Variants in GRIP1 observed in about 807,000 individuals in gnomAD.
GRIP1 encodes glutamate receptor interacting protein 1, also known as glutamate receptor-interacting protein 1.
Under a neutral mutation model 129.9 loss-of-function variants are expected in GRIP1, and 45 were observed. That is an observed-to-expected ratio of 0.35 (90% CI 0.27 to 0.44). The LOEUF is 0.44. Ranked by LOEUF, GRIP1 falls within the 20% of genes least tolerant of loss-of-function variation. The probability of loss-of-function intolerance (pLI) is 1.00; values close to 1 mark genes in which losing one functional copy is unlikely to be tolerated. For missense variants in GRIP1, 1,196 were observed against 1,396.8 expected (o/e 0.86, Z 2.29); for synonymous variants, 530 against 520.8 (o/e 1.02, Z -0.24).
chr12:66,409,078 A>G (rs73315139), intron 15 of GRIP1, among the ~76,000 whole-genome samples: 6,720 of 152,052 alleles, frequency 0.044, 353 homozygotes, highest in East Asian at 0.15. Flanking sequence ...TAGACCTGCA[A>G]GGGGCCAGGG....
intron 1 of GRIP1, among the ~76,000 whole-genome samples, chr12:66,998,756 A>C (rs1460646062): frequency 6.6e-6 from 1 of 151,814 alleles, no homozygotes; most frequent in Admixed American, 6.6e-5. Flanking sequence ...ACAAACACCA[A>C]CCTTTTTAGC....
intron 1 of GRIP1, among the ~76,000 whole-genome samples, chr12:66,892,385 T>C (rs1387736096): frequency 2.6e-5 from 4 of 152,156 alleles, no homozygotes; most frequent in Admixed American, 2.6e-4. Flanking sequence ...TTTTAAAAAA[T>C]GTTTTATTTA....
At chr12:66,738,985 CCTTGA>C (rs2036701777) in intron 1 of GRIP1, among the ~76,000 whole-genome samples, 1 of 152,136 alleles carries the variant, frequency 6.6e-6, no homozygotes, top group Non-Finnish European at 1.5e-5. Context: ...GAACTTTGAT[CCTTGA>C]CTTGGAGAGC....
intron 1 of GRIP1, among the ~76,000 whole-genome samples, chr12:66,623,379 G>A (rs79498068): frequency 0.036 from 5,443 of 152,228 alleles, 110 homozygotes; most frequent in Middle Eastern, 0.058. Flanking sequence ...GCACAGAGAC[G>A]TTAAGTAGCT....
At chr12:66,658,123 T>C (rs1054865208) in intron 1 of GRIP1, among the ~76,000 whole-genome samples, 48 of 152,052 alleles carry the variant, frequency 3.2e-4, no homozygotes, top group Non-Finnish European at 1.8e-4. Flanking sequence ...TAAATAAACA[T>C]ATATATAAGA....
chr12:66,585,050 ATTATT>A (rs2063565967), intron 2 of GRIP1, among the ~76,000 whole-genome samples: 1 of 150,580 alleles, frequency 6.6e-6, no homozygotes, highest in African/African-American at 2.5e-5. Flanking sequence ...TTTATATTTG[ATTATT>A]TTATTATTTT....
At chr12:66,949,362 CT>C (rs1463000791) in intron 1 of GRIP1, among the ~76,000 whole-genome samples, 1 of 152,136 alleles carries the variant, frequency 6.6e-6, no homozygotes, top group African/African-American at 2.4e-5. Context: ...AGTCATTATT[CT>C]GCAGTTTTAC....
chr12:66,970,326 T>C (rs892457811), intron 1 of GRIP1, among the ~76,000 whole-genome samples: 2 of 152,122 alleles, frequency 1.3e-5, no homozygotes, highest in African/African-American at 4.8e-5. Flanking sequence ...AAGTCATCTG[T>C]CCACCTTGGC....
At chr12:66,613,306 A>T (rs1300057695) in intron 1 of GRIP1, among the ~76,000 whole-genome samples, 2 of 152,072 alleles carry the variant, frequency 1.3e-5, no homozygotes, top group Admixed American at 6.6e-5. Flanking sequence ...TGCTCACCTG[A>T]TCCTTTATGC....
chr12:66,897,442 G>T (rs2040768719), intron 1 of GRIP1, among the ~76,000 whole-genome samples: 2 of 152,140 alleles, frequency 1.3e-5, no homozygotes, highest in Admixed American at 1.3e-4. Context: ...TTTAACAACT[G>T]CACATGCTAT....
At chr12:66,626,094 G>C (rs1033265665) in intron 1 of GRIP1, among the ~76,000 whole-genome samples, 2 of 152,106 alleles carry the variant, frequency 1.3e-5, no homozygotes, top group African/African-American at 4.8e-5. Context: ...GGAGGCCGAC[G>C]TGGGCAGATC....
chr12:66,970,745 G>A lies in GRIP1; in HGVS notation c.58+98305C>T, dbSNP rs191608525. 1.0e-3 allele frequency among the ~76,000 whole-genome samples: 159 copies of A among 152,022 alleles called. No homozygotes were observed. The South Asian group carries it at 0.012, about 11-fold the overall frequency. On this transcript the variant is annotated intron_variant, in intron 1 of 1. Transcript: ENST00000643019. ...AGGATTACATCTCAATCTTTTGGTG[G>A]GCCTATGTTGCTGTACTGTGACCTT...
intron 1 of GRIP1, among the ~76,000 whole-genome samples, chr12:66,677,358 A>G (rs973917544): frequency 6.6e-6 from 1 of 152,324 alleles, no homozygotes; most frequent in Admixed American, 6.5e-5. Flanking sequence ...AATAGAAAAT[A>G]CTGATTGTTT....
intron 1 of GRIP1, among the ~76,000 whole-genome samples, chr12:66,651,362 G>A (rs2032781220): frequency 6.6e-6 from 1 of 152,186 alleles, no homozygotes; most frequent in East Asian, 1.9e-4. Flanking sequence ...TGGAGGAGAG[G>A]CATCAGCAAA....
intron 23 of GRIP1, among the ~76,000 whole-genome samples, chr12:66,355,599 G>A (rs1017684974): frequency 6.7e-6 from 1 of 148,746 alleles, no homozygotes; most frequent in African/African-American, 2.4e-5. Flanking sequence ...CACTGGTGAT[G>A]CTTAGGGAGA....
chr12:66,518,561 A>G (rs1372522087), intron 5 of GRIP1, among the ~76,000 whole-genome samples: 1 of 152,238 alleles, frequency 6.6e-6, no homozygotes, highest in East Asian at 1.9e-4. Flanking sequence ...CTTCTCCACA[A>G]GAATTCATAG....
chr12:66,842,893 C>G (rs533503497), intron 1 of GRIP1, among the ~76,000 whole-genome samples: 1 of 152,112 alleles, frequency 6.6e-6, no homozygotes, highest in African/African-American at 2.4e-5. Flanking sequence ...CAGCTGCTTA[C>G]GTTTTTAGGA....
chr12:66,822,856 A>G (rs2039345120), intron 1 of GRIP1, among the ~76,000 whole-genome samples: 1 of 152,138 alleles, frequency 6.6e-6, no homozygotes, highest in East Asian at 1.9e-4. Context: ...AAAGGAGCAA[A>G]GGTCAAAAAA....
chr12:66,833,590 C>T (rs561355332), intron 1 of GRIP1, among the ~76,000 whole-genome samples: 5 of 152,288 alleles, frequency 3.3e-5, no homozygotes, highest in African/African-American at 9.6e-5. Context: ...CCTGAGTTCA[C>T]TCATAACCTT....
Sources: gnomAD v4.1 joint callset for allele counts (sites outside exome capture counted in the v4.1 genomes callset) on GRCh38, gnomAD v4.1.1 for gene constraint, MANE v1.5 for transcripts, NCBI Gene and HGNC (gene_info 2026-07-23, HGNC 2026-07-21) for gene names.